UNC5C: variants seen among roughly 807,000 people sequenced by gnomAD.
UNC5C encodes unc-5 netrin receptor C.
In UNC5C, 47 loss-of-function variants were observed where a neutral mutation model predicts 99.8. The ratio of observed to expected loss-of-function variants is 0.47; its 90% confidence interval spans 0.37 to 0.60. The LOEUF (loss-of-function observed/expected upper bound fraction) is 0.60, where lower values mean the gene tolerates loss of function less well. Ranked by LOEUF, UNC5C falls within the 20% of genes least tolerant of loss-of-function variation. The pLI is 0.00. For missense variants in UNC5C, 1,062 were observed against 1,165.9 expected (o/e 0.91, Z 1.30); for synonymous variants, 487 against 452.2 (o/e 1.08, Z -0.98).
rs948686407 is a variant in UNC5C, at chr4:95,353,783, C to T, written c.125-18152G>A. Reference sequence around the variant, plus strand: ...TGACACTAAAAATAGTTATAACCAACGATAAGACCATATGGTTTAAAGTAT... The same window carrying T: ...TGACACTAAAAATAGTTATAACCAATGATAAGACCATATGGTTTAAAGTAT... On this transcript the variant is annotated intron_variant, in intron 1 of 15. Coordinates refer to ENST00000453304, the MANE Select transcript of UNC5C (RefSeq NM_003728.4). Among the ~76,000 whole-genome samples, 13 of 152,066 alleles carry T rather than the reference C, an allele frequency of 8.5e-5. No homozygotes were observed. The East Asian group carries it at 1.4e-3, about 16-fold the overall frequency.
chr4:95,504,556 G>C (rs2149485334), intron 1 of UNC5C, among the ~76,000 whole-genome samples: 1 of 152,088 alleles, frequency 6.6e-6, no homozygotes, highest in African/African-American at 2.4e-5. Flanking sequence ...ATAATTCAGG[G>C]GGTATTTCAT....
intron 7 of UNC5C, among the ~76,000 whole-genome samples, chr4:95,240,076 A>T (rs778757871): frequency 1.3e-5 from 2 of 152,186 alleles, no homozygotes; most frequent in Non-Finnish European, 2.9e-5. Context: ...ATAAATTGTG[A>T]TATCATTGAA....
intron 11 of UNC5C, among the ~76,000 whole-genome samples, chr4:95,203,466 TA>T (rs1172419111): frequency 6.6e-6 from 1 of 152,084 alleles, no homozygotes; most frequent in Non-Finnish European, 1.5e-5. Flanking sequence ...TTTATTTATT[TA>T]TTTATTTAAT....
chr4:95,203,828 C>A (rs1375312405), intron 11 of UNC5C, among the ~76,000 whole-genome samples: 1 of 152,096 alleles, frequency 6.6e-6, no homozygotes, highest in Non-Finnish European at 1.5e-5. Context: ...TATGTGAAAG[C>A]AGGATTTTGC....
intron 3 of UNC5C, among the ~76,000 whole-genome samples, chr4:95,292,723 G>GA (rs1035652720): frequency 2.6e-4 from 39 of 152,190 alleles, no homozygotes; most frequent in Non-Finnish European, 4.6e-4. Context: ...ATTCCTTGGG[G>GA]AAAAAAAGTA....
intron 7 of UNC5C, among the ~76,000 whole-genome samples, chr4:95,229,428 A>G (rs1260633493): frequency 2.0e-5 from 3 of 152,174 alleles, no homozygotes; most frequent in Admixed American, 6.5e-5. Context: ...TTCCGGCTTC[A>G]TTCATGTCCC....
chr4:95,246,205 A>T (rs570021355), intron 5 of UNC5C, among the ~76,000 whole-genome samples: 2 of 152,232 alleles, frequency 1.3e-5, no homozygotes, highest in Non-Finnish European at 2.9e-5. Context: ...CCAGCCACAT[A>T]TGTTCATGTA....
At chr4:95,329,591 C>A (rs1743034373) in intron 2 of UNC5C, among the ~76,000 whole-genome samples, 1 of 152,174 alleles carries the variant, frequency 6.6e-6, no homozygotes, top group Non-Finnish European at 1.5e-5. Flanking sequence ...TACTTAATTA[C>A]CATTTACATT....
At chr4:95,260,786 G>C (rs1740191276) in intron 4 of UNC5C, among the ~76,000 whole-genome samples, 1 of 152,110 alleles carries the variant, frequency 6.6e-6, no homozygotes, top group Non-Finnish European at 1.5e-5. Flanking sequence ...TGCTGAAATT[G>C]GGACGACAGA....
chr4:95,402,906 A>G (rs1054932359), intron 1 of UNC5C, among the ~76,000 whole-genome samples: 1 of 152,184 alleles, frequency 6.6e-6, no homozygotes, highest in African/African-American at 2.4e-5. Context: ...CATTTCTTCT[A>G]TGGTCCTAAC....
chr4:95,400,384 CTTTT>C (rs1171870515), intron 1 of UNC5C, among the ~76,000 whole-genome samples: 4,859 of 65,168 alleles, frequency 0.075, 77 homozygotes, highest in African/African-American at 0.2. Context: ...GAGATGAATT[CTTTT>C]TTTTTTTTTT....
chr4:95,534,042 G>A (rs540526395), intron 1 of UNC5C, among the ~76,000 whole-genome samples: 1 of 152,248 alleles, frequency 6.6e-6, no homozygotes, highest in South Asian at 2.1e-4. Context: ...TAATTATGTA[G>A]GGACTAAACC....
At position 95,188,399 on chromosome 4, in the gene UNC5C, T is replaced by C. The variant is rs927152050; in HGVS notation, c.2137-3203A>G. On this transcript the variant is annotated intron_variant, in intron 12 of 15. Transcript: ENST00000453304. ...AGATCTCAGTCGATCATCCAGCAAC[T>C]CCTGGGAAACGAGTATAATCTAAAA... is the stretch of plus-strand genomic sequence containing the variant. 2.0e-5 allele frequency among the ~76,000 whole-genome samples: 3 copies of C among 152,100 alleles called. 1 individual carries two copies. The highest frequency in any genetic ancestry group is 2.9e-5 in the Non-Finnish European group (2 of 68,036).
At chr4:95,320,442 A>C (rs1408496045) in intron 2 of UNC5C, among the ~76,000 whole-genome samples, 1 of 150,202 alleles carries the variant, frequency 6.7e-6, no homozygotes, top group African/African-American at 2.4e-5. Context: ...AAAAAAAGAA[A>C]AGAAAAGAAA....
intron 4 of UNC5C, among the ~76,000 whole-genome samples, chr4:95,251,787 G>A (rs2149382411): frequency 6.6e-6 from 1 of 152,242 alleles, no homozygotes; most frequent in Non-Finnish European, 1.5e-5. Context: ...CTGTCAGTGG[G>A]TTTGACATTG....
chr4:95,378,502 G>C (rs780555987), intron 1 of UNC5C, among the ~76,000 whole-genome samples: 9 of 152,050 alleles, frequency 5.9e-5, no homozygotes, highest in Non-Finnish European at 1.0e-4. Context: ...CACAATTTTT[G>C]CAAATTCTAA....
intron 4 of UNC5C, among the ~76,000 whole-genome samples, chr4:95,255,612 C>T (rs1205415450): frequency 6.6e-6 from 1 of 151,858 alleles, no homozygotes; most frequent in Non-Finnish European, 1.5e-5. Context: ...CTCTGTGTTC[C>T]TATCTGTCAC....
rs373891506 is a variant in UNC5C, at chr4:95,502,075, C to T, written c.124+46659G>A. ...CATTAGTTGAGGAATGTTTAAAATTCGTATCATGGTGCTGTGTTCTTACTT... is the reference window on the plus strand; with the variant it reads ...CATTAGTTGAGGAATGTTTAAAATTTGTATCATGGTGCTGTGTTCTTACTT... On this transcript the variant is annotated intron_variant, in intron 1 of 15. Coordinates refer to ENST00000453304, the MANE Select transcript of UNC5C (RefSeq NM_003728.4). Among the ~76,000 whole-genome samples the T allele has an allele frequency of 3.6e-4, 54 of 152,094 alleles. 1 individual carries two copies. In the South Asian group the frequency reaches 7.7e-3, roughly 22 times the overall value.
intron 1 of UNC5C, among the ~76,000 whole-genome samples, chr4:95,460,784 C>T (rs1387292951): frequency 1.3e-5 from 2 of 152,106 alleles, no homozygotes; most frequent in Non-Finnish European, 2.9e-5. Flanking sequence ...TACAAAATCC[C>T]TTTTGACAAA....
Sources: gnomAD v4.1 joint callset for allele counts (sites outside exome capture counted in the v4.1 genomes callset) on GRCh38, gnomAD v4.1.1 for gene constraint, MANE v1.5 for transcripts, NCBI Gene and HGNC (gene_info 2026-07-23, HGNC 2026-07-21) for gene names.